Variants in CLYBL observed in about 807,000 individuals in gnomAD.
CLYBL encodes citramalyl-CoA lyase, mitochondrial.
A neutral mutation model predicts 38.9 loss-of-function variants in CLYBL; 31 were observed. The ratio of observed to expected loss-of-function variants is 0.80; its 90% CI spans 0.60 to 1.08. The LOEUF is 1.08. Ranked by LOEUF, CLYBL falls within the 50% of genes least tolerant of loss-of-function variation. The probability of loss-of-function intolerance (pLI) is 0.00; values close to 1 mark genes in which losing one functional copy is unlikely to be tolerated. For missense variants in CLYBL, 434 were observed against 411.6 expected (o/e 1.05, Z -0.47); for synonymous variants, 171 against 158.6 (o/e 1.08, Z -0.59).
intron 1 of CLYBL, among the ~76,000 whole-genome samples, chr13:99,709,697 A>T (rs2048198001): frequency 6.6e-6 from 1 of 152,060 alleles, no homozygotes; most frequent in Non-Finnish European, 1.5e-5. Context: ...GAAAGAGTGT[A>T]ACCCCTTCAA....
chr13:99,712,331 C>CTTTT (rs766784946), intron 1 of CLYBL, among the ~76,000 whole-genome samples: 117 of 120,802 alleles, frequency 9.7e-4, no homozygotes, highest in East Asian at 6.4e-3. Flanking sequence ...TAGCAATTGA[C>CTTTT]TTTTTTTTTT....
At chr13:99,615,529 C>T (rs1594083987) in intron 1 of CLYBL, among the ~76,000 whole-genome samples, 1 of 152,156 alleles carries the variant, frequency 6.6e-6, no homozygotes, top group East Asian at 1.9e-4. Flanking sequence ...TCATTAATTC[C>T]ACACATTGCT....
rs2047742875 is a variant in CLYBL at position 99,682,053 on chromosome 13, T to TA, written c.62+75297dup. Among the ~76,000 whole-genome samples the TA allele has an allele frequency of 2.0e-5, 3 of 152,186 alleles. No homozygotes were observed. The South Asian group carries it at 6.2e-4, about 31-fold the overall frequency. On this transcript the variant is annotated intron_variant, in intron 1 of 8. Coordinates refer to ENST00000339105, the MANE Select transcript of CLYBL (RefSeq NM_206808.5). ...CCTACCGCACACCTAGGCTGTGTGG[T>TA]ATGGCTTATTGCCCCTCTGACATAA...
rs567514329 is a variant in CLYBL, at chr13:99,758,197, C to T, written c.63-14627C>T. ...CCCAGGTGACTATTATATTGAATCC[C>T]GGGTTGGGAACCCCGTCATGCTACG... On this transcript the variant is annotated intron_variant, in intron 1 of 8. Coordinates refer to ENST00000339105, the MANE Select transcript of CLYBL (RefSeq NM_206808.5). Among the ~76,000 whole-genome samples the T allele has an allele frequency of 1.7e-4, 26 of 152,256 alleles. 1 individual carries two copies. Among genetic ancestry groups the T allele is most frequent in the Admixed American group, 1.2e-3 (18 of 15,282 alleles).
rs149147811 is a variant in CLYBL at position 99,607,006 on chromosome 13, A to G, written c.62+249A>G. 3.3e-5 allele frequency among the ~76,000 whole-genome samples: 5 copies of G among 152,314 alleles called. No homozygotes were observed. In the East Asian group the frequency reaches 9.7e-4, roughly 29 times the overall value. ...ACCTTAGGTCGAATTACCTGGACTC[A>G]GCCCCAGGAAACAAAACTGCCTGCC... On this transcript the variant is annotated intron_variant, in intron 1 of 8. Coordinates refer to ENST00000339105, the MANE Select transcript of CLYBL (RefSeq NM_206808.5).
intron 1 of CLYBL, among the ~76,000 whole-genome samples, chr13:99,665,918 A>C (rs1372628000): frequency 6.6e-6 from 1 of 152,030 alleles, no homozygotes; most frequent in Non-Finnish European, 1.5e-5. Flanking sequence ...TAAATCTGTC[A>C]CTCTTTAACG....
At chr13:99,608,925 GT>G (rs1422829586) in intron 1 of CLYBL, among the ~76,000 whole-genome samples, 9 of 127,400 alleles carry the variant, frequency 7.1e-5, no homozygotes, top group Non-Finnish European at 1.3e-4. Flanking sequence ...ATTATGATGT[GT>G]GTAGATCTGT....
intron 7 of CLYBL, among the ~76,000 whole-genome samples, chr13:99,878,594 TC>T (rs1481782623): frequency 6.6e-6 from 1 of 152,186 alleles, no homozygotes; most frequent in East Asian, 1.9e-4. Context: ...TACTAAAAAA[TC>T]AATGACTTAT....
In CLYBL at chr13:99,797,560, T is replaced by TTGTGTG. The variant is rs3033584; in HGVS notation, c.249+24576_249+24581dup. 7.7e-3 allele frequency among the ~76,000 whole-genome samples: 1,087 copies of TTGTGTG among 141,804 alleles called. 7 individuals are homozygous for TTGTGTG. Among genetic ancestry groups the TTGTGTG allele is most frequent in the African/African-American group, 0.015 (547 of 36,602 alleles). The allele number at this position is 141,804 out of a possible 152,430, so 93.0% of individuals were successfully genotyped here. On this transcript the variant is annotated intron_variant, in intron 2 of 8. Coordinates refer to ENST00000339105, the MANE Select transcript of CLYBL (RefSeq NM_206808.5). Reference sequence around the variant, plus strand: ...TTTCTGTGTCTGCCATGTTAGCTGTTTGTGTGTGTGTGTGTGTGTGTGTGT... The same window carrying TTGTGTG: ...TTTCTGTGTCTGCCATGTTAGCTGTTTGTGTGTGTGTGTGTGTGTGTGTGTGTGTGT...
chr13:99,795,615 C>A (rs1410530698), intron 2 of CLYBL, among the ~76,000 whole-genome samples: 1 of 152,100 alleles, frequency 6.6e-6, no homozygotes, highest in East Asian at 1.9e-4. Context: ...GATCATGCCA[C>A]CAAACTCCAG....
At chr13:99,780,713 CTTTTTTTT>C (rs11300050) in intron 2 of CLYBL, among the ~76,000 whole-genome samples, 10 of 124,222 alleles carry the variant, frequency 8.1e-5, no homozygotes, top group Non-Finnish European at 1.4e-4. Context: ...AATCCATTGT[CTTTTTTTT>C]TTTTTTTTTT....
Position 99,864,871 on chromosome 13 carries a change from T to G in CLYBL, c.594T>G (p.Asp198Glu), listed in dbSNP as rs750840828. Residue 198 changes from aspartate to glutamate, a missense_variant, in exon 5 of 9, where the codon GAT becomes GAG. By Grantham distance (45) the Asp-to-Glu change is conservative (BLOSUM62 2). Transcript: ENST00000339105. The part of the protein sequence containing the change: ...KVGPQVGLFL[D>E]AVVFGGEDFR... ...GGCCTCAAGTAGGTCTCTTTCTAGA[T>G]GCAGTCGTTTTTGGAGGAGAAGACT... 3 of 1,614,080 alleles carry G rather than the reference T, an allele frequency of 1.9e-6. No homozygotes were observed. The highest frequency in any genetic ancestry group is 2.5e-6 in the Non-Finnish European group (3 of 1,179,954).
intron 1 of CLYBL, among the ~76,000 whole-genome samples, chr13:99,651,931 T>C (rs955503092): frequency 3.5e-4 from 27 of 76,180 alleles, no homozygotes; most frequent in African/African-American, 2.9e-3. Context: ...GACTCCATCT[T>C]GGGGGGAAAA....
At chr13:99,841,037 A>G (rs2051063043) in intron 2 of CLYBL, among the ~76,000 whole-genome samples, 1 of 152,180 alleles carries the variant, frequency 6.6e-6, no homozygotes, top group Admixed American at 6.5e-5. Context: ...CACTGCAATG[A>G]GTAAAGGACC....
chr13:99,663,861 A>C (rs745964187), intron 1 of CLYBL, among the ~76,000 whole-genome samples: 2 of 152,188 alleles, frequency 1.3e-5, no homozygotes, highest in Non-Finnish European at 2.9e-5. Context: ...AAGAGGGGAA[A>C]ATAGACCAGG....
intron 1 of CLYBL, among the ~76,000 whole-genome samples, chr13:99,757,541 C>T (rs1013254720): frequency 4.6e-5 from 7 of 152,060 alleles, no homozygotes; most frequent in East Asian, 1.9e-4. Context: ...CTGCAACTTC[C>T]GCCTCTTGGG....
intron 9 of CLYBL, among the ~76,000 whole-genome samples, chr13:99,905,720 T>C (rs1273073645): frequency 4.1e-5 from 2 of 48,522 alleles, no homozygotes; most frequent in African/African-American, 1.2e-4. Context: ...TTGTTGTTTT[T>C]GCTTTTTTTT....
At chr13:99,807,683 A>G (rs2050259437) in intron 2 of CLYBL, among the ~76,000 whole-genome samples, 1 of 152,116 alleles carries the variant, frequency 6.6e-6, no homozygotes, top group Non-Finnish European at 1.5e-5. Context: ...CGGGGAGTGT[A>G]GGAAGAGGAA....
chr13:99,867,573 C>T (rs908171663), intron 6 of CLYBL, among the ~76,000 whole-genome samples: 4 of 151,992 alleles, frequency 2.6e-5, no homozygotes, highest in African/African-American at 4.8e-5. Flanking sequence ...TATTAATAAA[C>T]GAATTCTCCC....
Sources: gnomAD v4.1 joint callset for allele counts (sites outside exome capture counted in the v4.1 genomes callset) on GRCh38, gnomAD v4.1.1 for gene constraint, MANE v1.5 for transcripts, NCBI Gene and HGNC (gene_info 2026-07-23, HGNC 2026-07-21) for gene names.